The following ALCAM variants were observed in gnomAD, a reference collection of about 807,000 sequenced individuals.
ALCAM encodes activated leukocyte cell adhesion molecule, also known as CD166 antigen.
Under a neutral mutation model 70.9 loss-of-function variants are expected in ALCAM, and 30 were observed. The ratio of observed to expected loss-of-function variants is 0.42; its 90% confidence interval spans 0.32 to 0.57. The LOEUF (loss-of-function observed/expected upper bound fraction) is 0.57. Ranked by LOEUF, ALCAM falls within the 20% of genes least tolerant of loss-of-function variation. The probability of loss-of-function intolerance (pLI) is 0.11; values close to 1 mark genes in which losing one functional copy is unlikely to be tolerated. For missense variants in ALCAM, 591 were observed against 695.1 expected, an observed-to-expected ratio of 0.85 and a Z score of 1.68; for synonymous variants, 249 against 242.5, an observed-to-expected ratio of 1.03 and a Z score of -0.25.
intron 1 of ALCAM, among the ~76,000 whole-genome samples, chr3:105,401,675 A>G (rs1936092659): frequency 6.6e-6 from 1 of 152,308 alleles, no homozygotes; most frequent in East Asian, 1.9e-4. Flanking sequence ...AGACTTCTTC[A>G]TATTAAGTTG....
At chr3:105,464,613 A>C (rs1456625127) in intron 1 of ALCAM, among the ~76,000 whole-genome samples, 1 of 151,444 alleles carries the variant, frequency 6.6e-6, no homozygotes, top group Non-Finnish European at 1.5e-5. Flanking sequence ...TATCATAAAA[A>C]CAGAAAAGTT....
In ALCAM at chr3:105,524,295, C is replaced by T. The variant is rs1403480123; in HGVS notation, c.181C>T (p.Pro61Ser). 1.2e-6 allele frequency: 2 copies of T among 1,612,514 alleles called. No individual in the cohort carries two copies. The highest frequency in any genetic ancestry group is 2.2e-5 in the South Asian group (2 of 90,810). The change falls in exon 3 of 16, where the codon CCC becomes TCC. Residue 61 changes from proline to serine, a missense_variant. Physicochemically the swap from Pro to Ser is moderately conservative, Grantham distance 74. Around this residue, in one of 2 missense-constraint regions of ALCAM, gnomAD observed 427 missense variants for 450.4 expected, o/e 0.95. Transcript: ENST00000306107. ...LMFGKWKYEKPDGSPVFIAFR... is the reference protein window; with the variant it reads ...LMFGKWKYEKSDGSPVFIAFR... ...TTATTATTTTAATTTTTAGGAAAAG[C>T]CCGATGGCTCCCCAGTATTTATTGC... is the stretch of plus-strand genomic sequence containing the variant.
chr3:105,368,691 G>A (rs1431885922), intron 1 of ALCAM, among the ~76,000 whole-genome samples: 1 of 152,116 alleles, frequency 6.6e-6, no homozygotes, highest in Non-Finnish European at 1.5e-5. Context: ...GGGGAGAGGG[G>A]TTTGGGGGCC....
intron 1 of ALCAM, among the ~76,000 whole-genome samples, chr3:105,389,566 A>AT (rs1466820829): frequency 6.6e-6 from 1 of 151,178 alleles, no homozygotes; most frequent in Non-Finnish European, 1.5e-5. Context: ...AATTAGTATT[A>AT]TTTTTTATTT....
At chr3:105,382,535 A>T (rs1347855657) in intron 1 of ALCAM, among the ~76,000 whole-genome samples, 1 of 152,026 alleles carries the variant, frequency 6.6e-6, no homozygotes, top group Non-Finnish European at 1.5e-5. Flanking sequence ...ACAATGGTTG[A>T]ACTAGTTTAC....
intron 1 of ALCAM, among the ~76,000 whole-genome samples, chr3:105,508,953 T>G (rs1325707933): frequency 1.3e-5 from 2 of 152,150 alleles, no homozygotes; most frequent in African/African-American, 4.8e-5. Context: ...ATTCCACATA[T>G]AAGTATGATT....
intron 1 of ALCAM, among the ~76,000 whole-genome samples, chr3:105,468,951 T>A (rs1937833455): frequency 6.6e-6 from 1 of 151,274 alleles, no homozygotes; most frequent in Non-Finnish European, 1.5e-5. Flanking sequence ...TGCTTTAAAA[T>A]CCATGCATAA....
intron 1 of ALCAM, among the ~76,000 whole-genome samples, chr3:105,492,112 C>A (rs1365776867): frequency 6.6e-6 from 1 of 152,126 alleles, no homozygotes; most frequent in Admixed American, 6.5e-5. Context: ...GGGAAGCAAA[C>A]ATGTCCTTCT....
At chr3:105,490,029 A>G (rs1938540075) in intron 1 of ALCAM, among the ~76,000 whole-genome samples, 2 of 152,186 alleles carry the variant, frequency 1.3e-5, no homozygotes, top group Admixed American at 1.3e-4. Flanking sequence ...TCTGATTCCA[A>G]TGTACATTTT....
chr3:105,479,130 T>G (rs1035213795), intron 1 of ALCAM, among the ~76,000 whole-genome samples: 1 of 152,194 alleles, frequency 6.6e-6, no homozygotes, highest in Non-Finnish European at 1.5e-5. Context: ...AACTTTTCTT[T>G]AAATAAAATT....
Position 105,552,461 on chromosome 3 carries a change from G to A in ALCAM, c.1547-7G>A, listed in dbSNP as rs183335467. 1 of 1,610,278 alleles carries A rather than the reference G, an allele frequency of 6.2e-7. No homozygotes were observed. Among genetic ancestry groups the A allele is most frequent in the East Asian group, 2.2e-5 (1 of 44,808 alleles). On this transcript the variant is annotated splice_polypyrimidine_tract_variant and splice_region_variant and intron_variant, in intron 13 of 15. Transcript: ENST00000306107. Reference sequence around the variant, plus strand: ...GTAATTGCATGGACTTTTCTTCTTTGTTGCAGATGAAAACAGAGAAAAGGT... The same window carrying A: ...GTAATTGCATGGACTTTTCTTCTTTATTGCAGATGAAAACAGAGAAAAGGT...
At chr3:105,478,501 A>G (rs1032666328) in intron 1 of ALCAM, among the ~76,000 whole-genome samples, 11 of 151,964 alleles carry the variant, frequency 7.2e-5, no homozygotes, top group African/African-American at 2.2e-4. Flanking sequence ...TATCTCCATG[A>G]CTCCCAGTGC....
rs960863304 is a variant in ALCAM at position 105,576,865 on chromosome 3, A to T, written c.*2414A>T. 2.0e-5 allele frequency: 3 copies of T among 152,194 alleles called. No individual in the cohort carries two copies. Among genetic ancestry groups the T allele is most frequent in the African/African-American group, 7.2e-5 (3 of 41,458 alleles). 9.4% of individuals were successfully genotyped at this position (152,194 alleles called of 1,614,324 possible). On this transcript the variant is annotated 3_prime_UTR_variant, in exon 16 of 16. Transcript: ENST00000306107. ...TGGAAATGGATTAACATACCCGTCT[A>T]TGCCTAAAAGATAATAAAACTGAAA...
chr3:105,509,155 T>G (rs951285395), intron 1 of ALCAM, among the ~76,000 whole-genome samples: 3 of 152,162 alleles, frequency 2.0e-5, no homozygotes, highest in Non-Finnish European at 4.4e-5. Flanking sequence ...ATCTTGGCTA[T>G]TGTGAATAAT....
chr3:105,400,751 A>G (rs910897998), intron 1 of ALCAM, among the ~76,000 whole-genome samples: 1 of 152,098 alleles, frequency 6.6e-6, no homozygotes, highest in Non-Finnish European at 1.5e-5. Context: ...TTGAGGGAAG[A>G]GAAGAGAAAC....
rs1294464620 is a variant in ALCAM, at chr3:105,574,888, C to T, written c.*437C>T. On this transcript the variant is annotated 3_prime_UTR_variant, in exon 16 of 16. Transcript: ENST00000306107. ...AATCTGAGCAGGTACATTTCTGATTCTGATTGCTATCAGCAATGCCCCAAA... is the reference window on the plus strand; with the variant it reads ...AATCTGAGCAGGTACATTTCTGATTTTGATTGCTATCAGCAATGCCCCAAA... 1 of 152,518 alleles carries T rather than the reference C, an allele frequency of 6.6e-6. No individual in the cohort carries two copies. The highest frequency in any genetic ancestry group is 1.5e-5 in the Non-Finnish European group (1 of 68,026). The allele number at this position is 152,518 out of a possible 1,614,324, so 9.4% of individuals were successfully genotyped here. A position where few individuals can be genotyped will look rare whatever the true frequency, so the allele number is the denominator to read the frequency against.
chr3:105,476,637 C>T (rs571291494), intron 1 of ALCAM, among the ~76,000 whole-genome samples: 1 of 152,100 alleles, frequency 6.6e-6, no homozygotes, highest in East Asian at 1.9e-4. Context: ...AAAAAAAAAT[C>T]CTGTAGCAGC....
intron 1 of ALCAM, among the ~76,000 whole-genome samples, chr3:105,510,117 C>T (rs1434860024): frequency 6.6e-6 from 1 of 151,842 alleles, no homozygotes; most frequent in Non-Finnish European, 1.5e-5. Context: ...AGGAAAAACA[C>T]CTATGCAAGA....
intron 1 of ALCAM, among the ~76,000 whole-genome samples, chr3:105,410,638 AT>A (rs1936363768): frequency 6.6e-6 from 1 of 152,040 alleles, no homozygotes; most frequent in Non-Finnish European, 1.5e-5. Flanking sequence ...ATGCTAACTC[AT>A]TTATTCTGTT....
Sources: allele counts gnomAD v4.1 joint callset (sites outside exome capture counted in the v4.1 genomes callset), GRCh38; gene constraint gnomAD v4.1.1; regional missense constraint gnomAD v4.1.1; transcripts MANE v1.5; gene names NCBI Gene and HGNC (gene_info 2026-07-23, HGNC 2026-07-21).